Variants in RTL4 observed in about 807,000 individuals in gnomAD.
The protein encoded by RTL4 is retrotransposon Gag-like protein 4.
Under a neutral mutation model 5.3 loss-of-function variants are expected in RTL4, and 4 were observed. The observed-to-expected ratio is 0.75, with a 90% CI of 0.37 to 1.72. The LOEUF (loss-of-function observed/expected upper bound fraction) is 1.72. Ranked by LOEUF, RTL4 falls within the 40% of genes most tolerant of loss-of-function variation. RTL4 has a pLI of 0.04. For synonymous variants in RTL4, 98 were observed against 87.3 expected (o/e 1.12, Z -0.68); for missense variants, 260 against 227.1 (o/e 1.14, Z -0.93).
chrX:112,363,693 A>AT, the RTL4 span, among the ~76,000 whole-genome samples: 2 of 111,288 alleles, frequency 1.8e-5, no homozygotes, highest in Non-Finnish European at 3.8e-5. Context: ...AGATGCTCCC[A>AT]TTTTTGCTGC....
chrX:112,364,622 T>C, the RTL4 span, among the ~76,000 whole-genome samples: 1 of 110,998 alleles, frequency 9.0e-6, no homozygotes, highest in South Asian at 3.8e-4. Flanking sequence ...GCATGGAGCA[T>C]TGCTGAGAAG....
the RTL4 span, among the ~76,000 whole-genome samples, chrX:112,216,215 GCT>G: frequency 3.6e-5 from 4 of 111,788 alleles, no homozygotes; most frequent in Non-Finnish European, 7.5e-5. Context: ...ACCCTTTGGA[GCT>G]CTGTCTGTCA....
At chrX:112,160,081 G>A in the RTL4 span, among the ~76,000 whole-genome samples, 2 of 111,961 alleles carry the variant, frequency 1.8e-5, no homozygotes, top group East Asian at 2.8e-4. Context: ...TGTCCCCGAA[G>A]CAGAGGATAA....
chrX:112,318,151 G>T, the RTL4 span, among the ~76,000 whole-genome samples: 4 of 111,365 alleles, frequency 3.6e-5, no homozygotes, highest in Non-Finnish European at 5.6e-5. Flanking sequence ...CAACCCCCAG[G>T]TTGCTTTAGG....
chrX:112,338,361 G>T, the RTL4 span, among the ~76,000 whole-genome samples: 2 of 111,786 alleles, frequency 1.8e-5, no homozygotes, highest in African/African-American at 6.5e-5. Context: ...AACCAGATCA[G>T]TTCATTATCA....
chrX:112,449,429 T>C, the RTL4 span, among the ~76,000 whole-genome samples: 2 of 92,821 alleles, frequency 2.2e-5, no homozygotes, highest in Non-Finnish European at 2.1e-5. Context: ...GAGCCAAATA[T>C]TTTCTACTTT....
chrX:112,281,583 C>A, the RTL4 span, among the ~76,000 whole-genome samples: 1 of 111,249 alleles, frequency 9.0e-6, no homozygotes, highest in African/African-American at 3.3e-5. Flanking sequence ...TCCAAAATGA[C>A]TCTACTAATT....
the RTL4 span, among the ~76,000 whole-genome samples, chrX:112,261,481 AC>A: frequency 2.7e-5 from 3 of 111,743 alleles, no homozygotes; most frequent in Admixed American, 2.8e-4. Context: ...AATCCAACTT[AC>A]AAGGGATGTG....
chrX:112,258,473 T>C, the RTL4 span, among the ~76,000 whole-genome samples: 1 of 112,088 alleles, frequency 8.9e-6, no homozygotes, highest in Non-Finnish European at 1.9e-5. Context: ...TATTCATTTT[T>C]TAAATGTATT....
the RTL4 span, among the ~76,000 whole-genome samples, chrX:112,377,805 T>C: frequency 1.8e-5 from 2 of 111,966 alleles, no homozygotes; most frequent in Admixed American, 1.9e-4. Flanking sequence ...AAAGATGCCA[T>C]GTTGAATTTA....
chrX:112,286,698 C>T, the RTL4 span, among the ~76,000 whole-genome samples: 25,337 of 110,723 alleles, frequency 0.23, 2,390 homozygotes, highest in Admixed American at 0.32. Context: ...AGAAGTCATT[C>T]TTGACTCTTT....
At chrX:112,328,414 C>A in the RTL4 span, among the ~76,000 whole-genome samples, 3 of 111,238 alleles carry the variant, frequency 2.7e-5, no homozygotes, top group South Asian at 7.6e-4. Context: ...ACAAAGAAGG[C>A]CATTACATAA....
At chrX:112,294,695 G>T in the RTL4 span, among the ~76,000 whole-genome samples, 2,397 of 111,810 alleles carry the variant, frequency 0.021, 65 homozygotes, top group African/African-American at 0.072. Context: ...TTGGCATCTC[G>T]CATCTACTTT....
At chrX:112,315,741 G>C in the RTL4 span, among the ~76,000 whole-genome samples, 5 of 111,590 alleles carry the variant, frequency 4.5e-5, no homozygotes, top group African/African-American at 1.6e-4. Flanking sequence ...ACTGATAGAA[G>C]AACCATCCAT....
the RTL4 span, among the ~76,000 whole-genome samples, chrX:112,222,808 A>G: frequency 8.9e-6 from 1 of 112,403 alleles, no homozygotes. Flanking sequence ...GGCTGATGCC[A>G]TGTAGTTGGC....
chrX:112,157,371 T>A, the RTL4 span, among the ~76,000 whole-genome samples: 1 of 111,112 alleles, frequency 9.0e-6, no homozygotes, highest in Non-Finnish European at 1.9e-5. Context: ...GCTCCGATGT[T>A]TTGTGAGATT....
At chrX:112,152,441 C>T in the RTL4 span, among the ~76,000 whole-genome samples, 1 of 111,602 alleles carries the variant, frequency 9.0e-6, no homozygotes, top group Non-Finnish European at 1.9e-5. Flanking sequence ...AATGGTGGAC[C>T]TGTGTCTGTT....
the RTL4 span, among the ~76,000 whole-genome samples, chrX:112,446,871 A>T: frequency 9.0e-6 from 1 of 111,431 alleles, no homozygotes; most frequent in Non-Finnish European, 1.9e-5. Context: ...GGAATAATAA[A>T]AGAAGAGATA....
At chrX:112,298,357 CGAAA>C in the RTL4 span, among the ~76,000 whole-genome samples, 1 of 111,614 alleles carries the variant, frequency 9.0e-6, no homozygotes, top group East Asian at 2.8e-4. Context: ...TTAGTTATTA[CGAAA>C]GAAAGAGAGA....
Sources: allele counts gnomAD v4.1 joint callset (sites outside exome capture counted in the v4.1 genomes callset), GRCh38; gene constraint gnomAD v4.1.1; transcripts MANE v1.5; gene names NCBI Gene and HGNC (gene_info 2026-07-23, HGNC 2026-07-21).